SEC24D: variants seen among roughly 807,000 people sequenced by gnomAD.
The protein encoded by SEC24D is SEC24 homolog D, COPII component, also known as protein transport protein Sec24D.
Under a neutral mutation model 116.9 loss-of-function variants are expected in SEC24D, and 69 were observed. The observed-to-expected ratio is 0.59, with a 90% CI of 0.49 to 0.72. The LOEUF (loss-of-function observed/expected upper bound fraction) is 0.72. Among genes scored for constraint, SEC24D ranks in the 30% least tolerant of loss-of-function variants. SEC24D has a pLI of 0.00. For synonymous variants in SEC24D, 405 were observed against 442.8 expected, an observed-to-expected ratio of 0.91 and a Z score of 1.07; for missense variants, 1,131 against 1,264.1, an observed-to-expected ratio of 0.89 and a Z score of 1.60.
intron 7 of SEC24D, among the ~76,000 whole-genome samples, chr4:118,798,639 C>T (rs148587346): frequency 4.6e-5 from 7 of 152,242 alleles, no homozygotes; most frequent in Non-Finnish European, 8.8e-5. Flanking sequence ...ATGAATATTA[C>T]GCCTAATAAA....
At chr4:118,793,291 C>G (rs931801076) in intron 8 of SEC24D, among the ~76,000 whole-genome samples, 1 of 151,454 alleles carries the variant, frequency 6.6e-6, no homozygotes, top group Non-Finnish European at 1.5e-5. Flanking sequence ...AACGGTGAAA[C>G]CCCGTCTCTA....
intron 8 of SEC24D, among the ~76,000 whole-genome samples, chr4:118,788,473 G>A (rs1281496455): frequency 6.6e-6 from 1 of 152,112 alleles, no homozygotes; most frequent in African/African-American, 2.4e-5. Flanking sequence ...AGTTTTTATT[G>A]GTTCCTAAAA....
At chr4:118,744,232 T>C in intron 14 of SEC24D, 74 bp from the exon 15 acceptor site, 1 of 1,324,258 alleles carries the variant, frequency 7.6e-7, no homozygotes, top group Non-Finnish European at 1.0e-6. Context: ...TAAATTTCTA[T>C]TGAATTCTTA....
At chr4:118,740,859 T>C in intron 16 of SEC24D, 51 bp from the exon 17 acceptor site, 1 of 1,606,168 alleles carries the variant, frequency 6.2e-7, no homozygotes, top group East Asian at 2.2e-5. Context: ...TCTACTGTTA[T>C]TTTCTTTGTT....
At chr4:118,785,556 T>C (rs746903680) in intron 8 of SEC24D, among the ~76,000 whole-genome samples, 8 of 151,932 alleles carry the variant, frequency 5.3e-5, no homozygotes, top group Non-Finnish European at 7.4e-5. Context: ...TGTGAAGGAG[T>C]TGAAGAAAAA....
rs375065942 is a variant in SEC24D at position 118,778,645 on chromosome 4, AT to A, written c.1042-10335del. 4.6e-3 allele frequency among the ~76,000 whole-genome samples: 699 copies of A among 152,290 alleles called. 4 individuals carry two copies. Among genetic ancestry groups the A allele is most frequent in the Middle Eastern group, 0.017 (5 of 294 alleles). On this transcript the variant is annotated intron_variant, in intron 8 of 22. Coordinates refer to ENST00000280551, the MANE Select transcript of SEC24D (RefSeq NM_014822.4). ...TTTTTCCAATTCCATTAAGAAAGTC[AT>A]TGGTAGCTTGACGAGGATGGCACTG...
chr4:118,729,589 T>C (rs1253933847), intron 21 of SEC24D: 1 of 152,202 alleles, frequency 6.6e-6, no homozygotes, highest in Non-Finnish European at 1.5e-5. Flanking sequence ...TGCAGCGTCT[T>C]AGATAGCCCA....
At position 118,723,233 on chromosome 4, in the gene SEC24D, T is replaced by C. The variant is rs939012823; in HGVS notation, c.*282A>G. On this transcript the variant is annotated 3_prime_UTR_variant, in exon 23 of 23. Transcript: ENST00000280551. Reference sequence around the variant, plus strand: ...GCATAAAGAAAATTGAGAATGTTTATGGTTCTGTAAACTTTGCCTTTTATG... The same window carrying C: ...GCATAAAGAAAATTGAGAATGTTTACGGTTCTGTAAACTTTGCCTTTTATG... The C allele has an allele frequency of 3.8e-6, 1 of 265,948 alleles. No homozygotes were observed. Among genetic ancestry groups the C allele is most frequent in the African/African-American group, 2.2e-5 (1 of 45,116 alleles). The allele number at this position is 265,948 out of a possible 1,614,324, so 16.5% of individuals were successfully genotyped here.
At chr4:118,775,345 C>CAAAAAAA (rs55740002) in intron 8 of SEC24D, among the ~76,000 whole-genome samples, 3 of 114,532 alleles carry the variant, frequency 2.6e-5, no homozygotes, top group African/African-American at 8.3e-5. Flanking sequence ...AGCAAAAGGT[C>CAAAAAAA]AAAAAAAAAA....
chr4:118,758,882 C>T (rs1258976585), intron 10 of SEC24D, among the ~76,000 whole-genome samples: 1 of 152,078 alleles, frequency 6.6e-6, no homozygotes. Flanking sequence ...CAAAATCAGA[C>T]CAACAAAGAA....
chr4:118,803,262 T>TTA (rs948365763), intron 7 of SEC24D, among the ~76,000 whole-genome samples: 6 of 152,184 alleles, frequency 3.9e-5, no homozygotes, highest in African/African-American at 7.2e-5. Context: ...AAATTTTATG[T>TTA]TATATATATA....
chr4:118,775,241 G>C (rs560820340), intron 8 of SEC24D, among the ~76,000 whole-genome samples: 1 of 151,010 alleles, frequency 6.6e-6, no homozygotes, highest in South Asian at 2.1e-4. Flanking sequence ...CACAATACCT[G>C]AGACAGGGGT....
intron 13 of SEC24D, among the ~76,000 whole-genome samples, chr4:118,749,180 CTA>C (rs999416210): frequency 3.3e-5 from 5 of 152,054 alleles, no homozygotes; most frequent in Admixed American, 6.6e-5. Context: ...TTTTGAAAGA[CTA>C]TGTGGGGAAA....
intron 3 of SEC24D, among the ~76,000 whole-genome samples, chr4:118,821,772 A>G (rs1193685577): frequency 6.6e-6 from 1 of 152,254 alleles, no homozygotes; most frequent in Non-Finnish European, 1.5e-5. Flanking sequence ...TCACCTGCAC[A>G]ATCACGGTGC....
Position 118,767,834 on chromosome 4 carries a change from T to A in SEC24D, c.1180+339A>T, listed in dbSNP as rs186276569. Among the ~76,000 whole-genome samples, 4 of 152,308 alleles carry A rather than the reference T, an allele frequency of 2.6e-5. No homozygotes were observed. In the East Asian group the frequency reaches 7.7e-4, roughly 29 times the overall value. The stretch of plus-strand genomic sequence containing the variant: ...GAGAAGTGACAAAAGAGGAAAAGTC[T>A]CCCAAGTTTATCATCTGTAATCATA... On this transcript the variant is annotated intron_variant, in intron 9 of 22. Transcript: ENST00000280551.
intron 2 of SEC24D, chr4:118,825,617 TC>T (rs1368052880): frequency 1.1e-5 from 5 of 456,154 alleles, no homozygotes; most frequent in Non-Finnish European, 2.2e-5. Context: ...TCAGTTTTCT[TC>T]CTGTAAAATG....
intron 14 of SEC24D, among the ~76,000 whole-genome samples, chr4:118,744,383 G>A (rs1387109964): frequency 6.6e-6 from 1 of 152,154 alleles, no homozygotes; most frequent in African/African-American, 2.4e-5. Flanking sequence ...AAATAATTGT[G>A]TGTTTAATTT....
chr4:118,773,141 C>T (rs1262717516), intron 8 of SEC24D, among the ~76,000 whole-genome samples: 8 of 151,970 alleles, frequency 5.3e-5, no homozygotes, highest in Admixed American at 5.2e-4. Context: ...CTTCCTCCCC[C>T]TTTTTTTTCT....
intron 2 of SEC24D, among the ~76,000 whole-genome samples, chr4:118,825,052 C>T (rs187182798): frequency 4.7e-4 from 71 of 152,180 alleles, no homozygotes; most frequent in African/African-American, 1.4e-3. Context: ...TATATTACCA[C>T]GCAAAGAATA....
Sources: allele counts gnomAD v4.1 joint callset (sites outside exome capture counted in the v4.1 genomes callset), GRCh38; gene constraint gnomAD v4.1.1; transcripts MANE v1.5; gene names NCBI Gene and HGNC (gene_info 2026-07-23, HGNC 2026-07-21).